Variants in KIAA1217 observed in about 807,000 individuals in gnomAD.
KIAA1217 encodes KIAA1217, also known as sickle tail protein homolog.
Under a neutral mutation model 163.9 loss-of-function variants are expected in KIAA1217, and 88 were observed. That is an observed-to-expected ratio of 0.54 (90% confidence interval 0.45 to 0.64). The LOEUF (loss-of-function observed/expected upper bound fraction) is 0.64, where lower values mean the gene tolerates loss of function less well. Ranked by LOEUF, KIAA1217 falls within the 30% of genes least tolerant of loss-of-function variation. The pLI, the probability that KIAA1217 is intolerant of heterozygous loss-of-function variation, is 0.00. For synonymous variants in KIAA1217, 903 were observed against 923.1 expected (o/e 0.98, Z 0.39); for missense variants, 2,372 against 2,475.0 (o/e 0.96, Z 0.88).
intron 6 of KIAA1217, among the ~76,000 whole-genome samples, chr10:24,489,860 C>CAAAAA (rs11393718): frequency 9.2e-5 from 6 of 64,890 alleles, no homozygotes; most frequent in South Asian, 7.5e-4. Context: ...GAGAACCTGT[C>CAAAAA]AAAAAAAAAA....
At chr10:24,004,563 T>G (rs1019984964) in intron 1 of KIAA1217, among the ~76,000 whole-genome samples, 5 of 152,244 alleles carry the variant, frequency 3.3e-5, no homozygotes, top group African/African-American at 1.2e-4. Context: ...TAGAGAATTT[T>G]GCTTACTACG....
intron 2 of KIAA1217, among the ~76,000 whole-genome samples, chr10:24,314,472 G>A (rs2043102050): frequency 6.6e-6 from 1 of 152,150 alleles, no homozygotes; most frequent in Non-Finnish European, 1.5e-5. Flanking sequence ...ATGCATGTAT[G>A]GTGTCTGTGT....
At chr10:24,104,707 C>A (rs2062553586) in intron 2 of KIAA1217, among the ~76,000 whole-genome samples, 1 of 152,124 alleles carries the variant, frequency 6.6e-6, no homozygotes, top group African/African-American at 2.4e-5. Flanking sequence ...AATAAATGTA[C>A]CACTGTGATT....
chr10:23,952,510 GAATGCTCAA>G (rs1844385036), intron 1 of KIAA1217, among the ~76,000 whole-genome samples: 1 of 152,176 alleles, frequency 6.6e-6, no homozygotes, highest in Non-Finnish European at 1.5e-5. Flanking sequence ...CTAAGTACCT[GAATGCTCAA>G]GGGTTTTTCT....
intron 1 of KIAA1217, among the ~76,000 whole-genome samples, chr10:23,732,056 G>A (rs1838507826): frequency 1.3e-5 from 2 of 151,848 alleles, no homozygotes; most frequent in African/African-American, 2.4e-5. Context: ...TAGTTTTCTT[G>A]TAATATATTT....
chr10:23,747,472 A>G (rs535076427), intron 1 of KIAA1217, among the ~76,000 whole-genome samples: 1 of 152,280 alleles, frequency 6.6e-6, no homozygotes, highest in East Asian at 1.9e-4. Flanking sequence ...AACAGAGAAC[A>G]GTTCAAGGAA....
At chr10:23,780,325 T>A (rs1352867642) in intron 1 of KIAA1217, among the ~76,000 whole-genome samples, 7 of 152,102 alleles carry the variant, frequency 4.6e-5, no homozygotes, top group Non-Finnish European at 1.0e-4. Context: ...TGCATGACAA[T>A]ATTATTAACT....
At chr10:24,508,783 T>C (rs185907644) in intron 9 of KIAA1217, among the ~76,000 whole-genome samples, 1 of 152,252 alleles carries the variant, frequency 6.6e-6, no homozygotes, top group Non-Finnish European at 1.5e-5. Context: ...CTGAACAAAA[T>C]AAGCTGGACA....
At chr10:23,907,059 A>T (rs1842191225) in intron 1 of KIAA1217, among the ~76,000 whole-genome samples, 1 of 151,964 alleles carries the variant, frequency 6.6e-6, no homozygotes, top group Admixed American at 6.6e-5. Context: ...TCATTTATGG[A>T]TTTCTATATA....
chr10:24,520,651 A>AAAAATAT (rs1554926857), intron 11 of KIAA1217, among the ~76,000 whole-genome samples: 2 of 39,660 alleles, frequency 5.0e-5, no homozygotes, highest in Non-Finnish European at 9.7e-5. Flanking sequence ...AAAAAAAAAA[A>AAAAATAT]ATATATATAT....
At chr10:24,125,519 T>G (rs1389062059) in intron 2 of KIAA1217, among the ~76,000 whole-genome samples, 1 of 152,162 alleles carries the variant, frequency 6.6e-6, no homozygotes. Flanking sequence ...TGATATTTTT[T>G]CTTTTTAAAA....
At chr10:24,219,484 G>A in intron 1 of KIAA1217, 142 bp from the exon 2 acceptor site, 1 of 636,062 alleles carries the variant, frequency 1.6e-6, no homozygotes, top group East Asian at 3.2e-5. Flanking sequence ...CTGCTGCAAA[G>A]CAGAAAAAGA....
At chr10:24,015,926 A>G (rs1847462127) in intron 2 of KIAA1217, among the ~76,000 whole-genome samples, 1 of 152,008 alleles carries the variant, frequency 6.6e-6, no homozygotes, top group Admixed American at 6.6e-5. Flanking sequence ...AAACCAGGAT[A>G]TGCTTTCTTG....
At chr10:24,004,559 A>G (rs1284527277) in intron 1 of KIAA1217, among the ~76,000 whole-genome samples, 1 of 152,200 alleles carries the variant, frequency 6.6e-6, no homozygotes, top group Non-Finnish European at 1.5e-5. Context: ...ATTCTAGAGA[A>G]TTTTGCTTAC....
intron 1 of KIAA1217, among the ~76,000 whole-genome samples, chr10:23,790,647 ATG>A (rs1191035177): frequency 7.2e-6 from 1 of 139,488 alleles, no homozygotes; most frequent in Non-Finnish European, 1.5e-5. Flanking sequence ...ATGTATACAT[ATG>A]TGTATATATA....
chr10:23,931,999 T>C (rs1240842204), intron 1 of KIAA1217, among the ~76,000 whole-genome samples: 1 of 152,070 alleles, frequency 6.6e-6, no homozygotes, highest in East Asian at 1.9e-4. Flanking sequence ...GCTGTGGCAG[T>C]TGGTAAATGA....
intron 2 of KIAA1217, among the ~76,000 whole-genome samples, chr10:24,332,171 T>C (rs76459248): frequency 0.014 from 2,144 of 152,330 alleles, 40 homozygotes; most frequent in East Asian, 0.088. Flanking sequence ...TCTGGTAATA[T>C]TTACTGGAAG....
intron 16 of KIAA1217, 116 bp from the exon 17 acceptor site, chr10:24,536,658 A>T: frequency 9.4e-7 from 1 of 1,063,900 alleles, no homozygotes; most frequent in Non-Finnish European, 1.4e-6. Flanking sequence ...CCTGGCCTAA[A>T]CCTGCGTGCA....
intron 5 of KIAA1217, among the ~76,000 whole-genome samples, chr10:24,462,778 T>G (rs2062548020): frequency 6.6e-6 from 1 of 152,106 alleles, no homozygotes; most frequent in Admixed American, 6.5e-5. Flanking sequence ...ATATGAAGTG[T>G]CACAAGCAAA....
Sources: allele counts gnomAD v4.1 joint callset (sites outside exome capture counted in the v4.1 genomes callset), GRCh38; gene constraint gnomAD v4.1.1; transcripts MANE v1.5; gene names NCBI Gene and HGNC (gene_info 2026-07-23, HGNC 2026-07-21).